The following DPF3 variants were observed in gnomAD, a reference collection of about 807,000 sequenced individuals.
DPF3 encodes the protein zinc finger protein DPF3.
DPF3 carries 18 observed loss-of-function variants against 56.8 expected under a neutral mutation model. The ratio of observed to expected loss-of-function variants is 0.32; its 90% CI spans 0.22 to 0.47. DPF3 has a LOEUF of 0.47. DPF3 is among the 20% of genes least tolerant of loss of function. The pLI, the probability that DPF3 is intolerant of heterozygous loss-of-function variation, is 1.00. For synonymous variants in DPF3, 188 were observed against 180.2 expected (o/e 1.04, Z -0.35); for missense variants, 403 against 488.8 (o/e 0.82, Z 1.65).
rs959756350 is a variant in DPF3 at position 72,613,648 on chromosome 14, G to A, written c.*5649C>T. On this transcript the variant is annotated 3_prime_UTR_variant, in exon 11 of 11. Coordinates refer to ENST00000556509, the MANE Select transcript of DPF3 (RefSeq NM_001280542.3). ...CCAGGGCTCACTCAGAACCCAGAGA[G>A]AGCCTGTTCCCAGGAACCCACTCAC... is the stretch of plus-strand genomic sequence containing the variant. Among the ~76,000 whole-genome samples the A allele has an allele frequency of 6.6e-6, 1 of 152,184 alleles. No homozygotes were observed. The highest frequency in any genetic ancestry group is 2.4e-5 in the African/African-American group (1 of 41,446).
rs139477229 is a variant in DPF3 at position 72,781,839 on chromosome 14, A to C, written c.33-9946T>G. ...AATAAATCTCTCCTCTGGAGGCTAA[A>C]GAATGTGTAGAATGCAACAAAAGTG... On this transcript the variant is annotated intron_variant, in intron 1 of 10. Transcript: ENST00000556509. 2.5e-3 allele frequency among the ~76,000 whole-genome samples: 379 copies of C among 152,336 alleles called. 2 individuals are homozygous for C. Among genetic ancestry groups the C allele is most frequent in the African/African-American group, 8.4e-3 (350 of 41,564 alleles).
At chr14:72,652,417 G>A (rs1885939412) in intron 8 of DPF3, among the ~76,000 whole-genome samples, 1 of 152,222 alleles carries the variant, frequency 6.6e-6, no homozygotes, top group Non-Finnish European at 1.5e-5. Context: ...CTTGCAGCCA[G>A]AATGAGCTGT....
chr14:72,625,086 A>G (rs1884742617), intron 9 of DPF3, among the ~76,000 whole-genome samples: 1 of 152,080 alleles, frequency 6.6e-6, no homozygotes, highest in East Asian at 1.9e-4. Context: ...GAGAAATAGG[A>G]TATTTGAGAT....
rs564644249 is a variant in DPF3 at position 72,769,573 on chromosome 14, G to T, written c.193+2160C>A. Among the ~76,000 whole-genome samples, 462 of 151,674 alleles carry T rather than the reference G, an allele frequency of 3.0e-3. 9 individuals are homozygous for T. Among genetic ancestry groups the T allele is most frequent in the Non-Finnish European group, 1.3e-3 (87 of 67,894 alleles). On this transcript the variant is annotated intron_variant, in intron 2 of 10. Coordinates refer to ENST00000556509, the MANE Select transcript of DPF3 (RefSeq NM_001280542.3). ...CATGTGCCTGTAGTCCCAGCTACTC[G>T]GGAGGCTGAGGCAGGAGAATCGCTT...
At chr14:72,890,049 G>A (rs908729030) in intron 1 of DPF3, among the ~76,000 whole-genome samples, 2 of 152,140 alleles carry the variant, frequency 1.3e-5, no homozygotes, top group African/African-American at 4.8e-5. Context: ...GTATAATCAA[G>A]TCTGGCAGAA....
intron 5 of DPF3, among the ~76,000 whole-genome samples, chr14:72,715,392 G>C (rs1323669215): frequency 2.0e-5 from 3 of 152,190 alleles, no homozygotes; most frequent in Non-Finnish European, 1.5e-5. Flanking sequence ...CTGGTCACGT[G>C]TATAGCACCC....
chr14:72,796,105 T>C (rs547944082), intron 1 of DPF3, among the ~76,000 whole-genome samples: 143 of 152,330 alleles, frequency 9.4e-4, no homozygotes, highest in African/African-American at 3.2e-3. Flanking sequence ...TTAAAATATA[T>C]ATACACTGGG....
At position 72,737,959 on chromosome 14, in the gene DPF3, G is replaced by A. The variant is rs75794906; in HGVS notation, c.302-6025C>T. On this transcript the variant is annotated intron_variant, in intron 3 of 10. Transcript: ENST00000556509. Reference sequence around the variant, plus strand: ...AAAAATACAAACATGCAGTTTTCTCGTCTGGGTGCTTATTATATTGAGGAG... The same window carrying A: ...AAAAATACAAACATGCAGTTTTCTCATCTGGGTGCTTATTATATTGAGGAG... 2.6e-3 allele frequency among the ~76,000 whole-genome samples: 394 copies of A among 151,450 alleles called. 3 individuals are homozygous for A. In the East Asian group the frequency reaches 0.029, roughly 11 times the overall value.
At chr14:72,836,116 C>A in intron 1 of DPF3, 2 of 985,660 alleles carry the variant, frequency 2.0e-6, no homozygotes, top group Non-Finnish European at 2.4e-6. Flanking sequence ...AAATCCAGGT[C>A]CAAAGAAGAA....
chr14:72,619,306 G>A lies in DPF3; in HGVS notation c.1128C>T (p.Cys376=). The change falls in exon 11 of 11, where the codon TGC becomes TGT. Residue 376 remains cysteine, a synonymous_variant. Coordinates refer to ENST00000556509, the MANE Select transcript of DPF3 (RefSeq NM_001280542.3). ...TCTGTGACCTGGGGCCCTAGGCCTGGCAGCCAAAGGCTGAGGCTTTCTCTT... is the reference window on the plus strand; with the variant it reads ...TCTGTGACCTGGGGCCCTAGGCCTGACAGCCAAAGGCTGAGGCTTTCTCTT... The part of the protein sequence containing the change: ...LLKEKASAFG[C]QA 1 of 1,536,102 alleles carries A rather than the reference G, an allele frequency of 6.5e-7. No individual in the cohort carries two copies. The highest frequency in any genetic ancestry group is 8.7e-7 in the Non-Finnish European group (1 of 1,146,880).
intron 7 of DPF3, among the ~76,000 whole-genome samples, chr14:72,675,112 C>T (rs1444590566): frequency 5.9e-5 from 9 of 152,160 alleles, no homozygotes; most frequent in East Asian, 1.9e-4. Context: ...GGCTTAAGAC[C>T]GTCACGAATA....
chr14:72,811,350 G>T, intron 1 of DPF3, among the ~76,000 whole-genome samples: 1 of 152,178 alleles, frequency 6.6e-6, no homozygotes. Flanking sequence ...GAAGAGATTG[G>T]GGTGATGTGC....
intron 8 of DPF3, among the ~76,000 whole-genome samples, chr14:72,664,559 A>C (rs1886366069): frequency 6.6e-6 from 1 of 150,566 alleles, no homozygotes; most frequent in Admixed American, 6.6e-5. Flanking sequence ...CACATGGTCA[A>C]CCCCTCCCCA....
At chr14:72,755,086 C>T (rs912690724) in intron 2 of DPF3, among the ~76,000 whole-genome samples, 4 of 152,232 alleles carry the variant, frequency 2.6e-5, no homozygotes, top group Non-Finnish European at 5.9e-5. Flanking sequence ...GAGCCCCCTG[C>T]ACCCCCTCTC....
intron 9 of DPF3, among the ~76,000 whole-genome samples, chr14:72,621,341 A>C (rs60246190): frequency 0.045 from 6,863 of 151,566 alleles, 270 homozygotes; most frequent in East Asian, 0.11. Context: ...ATCTGGCCCC[A>C]CCCCCTAGTT....
At chr14:72,678,898 G>GA (rs927612487) in intron 7 of DPF3, among the ~76,000 whole-genome samples, 4 of 151,668 alleles carry the variant, frequency 2.6e-5, no homozygotes, top group African/African-American at 7.2e-5. Flanking sequence ...AAGCTCAAAG[G>GA]AAAAAAAATG....
Position 72,629,621 on chromosome 14 carries a change from C to T in DPF3, c.984+3G>A, listed in dbSNP as rs1403261563. ...CCTCCCACAGGGAAAGCCCCAAACT[C>T]ACATCATTCTCTGAGGTCCCACAGA... On this transcript the variant is annotated splice_donor_region_variant and intron_variant, in intron 9 of 10. Transcript: ENST00000556509. 1 of 1,535,280 alleles carries T rather than the reference C, an allele frequency of 6.5e-7. No homozygotes were observed. Among genetic ancestry groups the T allele is most frequent in the Admixed American group, 2.0e-5 (1 of 51,006 alleles).
chr14:72,686,714 CTT>C, intron 7 of DPF3, among the ~76,000 whole-genome samples: 1 of 152,172 alleles, frequency 6.6e-6, no homozygotes, highest in Non-Finnish European at 1.5e-5. Context: ...CAAATTTACT[CTT>C]TGAGAAGGAA....
chr14:72,744,414 C>G (rs1890247118), intron 3 of DPF3, among the ~76,000 whole-genome samples: 1 of 151,998 alleles, frequency 6.6e-6, no homozygotes, highest in Non-Finnish European at 1.5e-5. Context: ...TGTCACCCTA[C>G]AGGTGCCCAC....
Sources: gnomAD v4.1 joint callset for allele counts (sites outside exome capture counted in the v4.1 genomes callset) on GRCh38, gnomAD v4.1.1 for gene constraint, MANE v1.5 for transcripts, NCBI Gene and HGNC (gene_info 2026-07-23, HGNC 2026-07-21) for gene names.